Variants in CTR9 observed in about 807,000 individuals in gnomAD.
The protein encoded by CTR9 is CTR9 component of Paf1/RNA polymerase II complex, also known as RNA polymerase-associated protein CTR9 homolog.
Under a neutral mutation model 152.1 loss-of-function variants are expected in CTR9, and 41 were observed. That is an observed-to-expected ratio of 0.27 (90% CI 0.21 to 0.35). CTR9 has a LOEUF of 0.35. Ranked by LOEUF, CTR9 falls within the 10% of genes least tolerant of loss-of-function variation. The pLI is 1.00. For synonymous variants in CTR9, 476 were observed against 496.2 expected (o/e 0.96, Z 0.54); for missense variants, 917 against 1,424.4 (o/e 0.64, Z 5.73).
Position 10,778,769 on chromosome 11 carries a change from C to A in CTR9, c.3186C>A (p.Asn1062Lys). The change falls in exon 25 of 25, where the codon AAC becomes AAA. Residue 1062 changes from asparagine to lysine, a missense_variant. Asn to Lys is a moderately conservative substitution (Grantham distance 94, BLOSUM62 0). Coordinates refer to ENST00000361367, the MANE Select transcript of CTR9 (RefSeq NM_014633.5). ...CASSESDSDE[N>K]QNKSGSEAGS... ...CATCAGAGAGTGATTCCGATGAGAA[C>A]CAGAACAAGTCTGGCAGCGAGGCCG... 6.2e-7 allele frequency: 1 copy of A among 1,614,126 alleles called. No homozygotes were observed. The highest frequency in any genetic ancestry group is 8.5e-7 in the Non-Finnish European group (1 of 1,180,018).
At chr11:10,778,000 G>C (rs1014811103) in intron 24 of CTR9, among the ~76,000 whole-genome samples, 2 of 152,188 alleles carry the variant, frequency 1.3e-5, no homozygotes, top group Non-Finnish European at 2.9e-5. Flanking sequence ...ACCATTCTAA[G>C]CATAAGCATG....
intron 1 of CTR9, among the ~76,000 whole-genome samples, chr11:10,752,397 T>C (rs1374279048): frequency 6.6e-6 from 1 of 152,228 alleles, no homozygotes; most frequent in Non-Finnish European, 1.5e-5. Context: ...TTTGTTTTGT[T>C]ATTTTTTAGT....
chr11:10,771,709 A>G, intron 19 of CTR9, 93 bp downstream of exon 19: 1 of 845,180 alleles, frequency 1.2e-6, no homozygotes, highest in South Asian at 1.4e-5. Flanking sequence ...GAGGTTCCTG[A>G]CCTTCCACAG....
intron 3 of CTR9, among the ~76,000 whole-genome samples, 180 bp from the exon 4 acceptor site, chr11:10,755,497 CT>C (rs1862870991): frequency 6.6e-6 from 1 of 152,286 alleles, no homozygotes; most frequent in East Asian, 1.9e-4. Context: ...GCACAGAAGA[CT>C]TACATTTCAG....
Position 10,779,004 on chromosome 11 carries a change from G to A in CTR9, c.3421G>A (p.Glu1141Lys), listed in dbSNP as rs1197557676. 6.8e-6 allele frequency: 11 copies of A among 1,614,056 alleles called. No homozygotes were observed. Among genetic ancestry groups the A allele is most frequent in the Middle Eastern group, 1.6e-4 (1 of 6,084 alleles). The change falls in exon 25 of 25, where the codon GAG becomes AAG. Residue 1141 changes from glutamate (E) to lysine (K), a missense_variant. By Grantham distance (56) the Glu-to-Lys change is moderately conservative. Coordinates refer to ENST00000361367, the MANE Select transcript of CTR9 (RefSeq NM_014633.5). ...DHESERGSDN[E>K]GSGQGSGNES... Reference sequence around the variant, plus strand: ...CGAATCGGAGAGAGGATCTGATAATGAGGGTTCTGGCCAAGGCTCTGGAAA... The same window carrying A: ...CGAATCGGAGAGAGGATCTGATAATAAGGGTTCTGGCCAAGGCTCTGGAAA...
Position 10,756,426 on chromosome 11 carries a change from C to T in CTR9, c.503-323C>T, listed in dbSNP as rs7106383. ...CTCCCACCCTCCACCCTCCAAAAGG[C>T]CCCAGTATGTGATGTTCCCCTCTGT... On this transcript the variant is annotated intron_variant, in intron 4 of 24. Coordinates refer to ENST00000361367, the MANE Select transcript of CTR9 (RefSeq NM_014633.5). 7.9e-3 allele frequency among the ~76,000 whole-genome samples: 1,204 copies of T among 152,202 alleles called. 11 individuals carry two copies. The highest frequency in any genetic ancestry group is 0.027 in the African/African-American group (1,141 of 41,534).
intron 5 of CTR9, among the ~76,000 whole-genome samples, chr11:10,758,254 C>T (rs1564965888): frequency 1.3e-5 from 2 of 151,984 alleles, no homozygotes; most frequent in Admixed American, 6.6e-5. Flanking sequence ...TTAAAAGGTT[C>T]GTTTGAGCTT....
At chr11:10,777,893 C>T (rs1358629068) in intron 24 of CTR9, among the ~76,000 whole-genome samples, 1 of 152,152 alleles carries the variant, frequency 6.6e-6, no homozygotes, top group African/African-American at 2.4e-5. Flanking sequence ...AGGAACGTGC[C>T]AGAGAAGTGT....
chr11:10,755,884 A>G (rs1480171853), intron 4 of CTR9, 89 bp downstream of exon 4: 1 of 678,286 alleles, frequency 1.5e-6, no homozygotes, highest in African/African-American at 1.8e-5. Flanking sequence ...TTAATAACTC[A>G]GCTAGACAGC....
intron 5 of CTR9, among the ~76,000 whole-genome samples, chr11:10,758,183 G>A (rs1183837392): frequency 2.7e-4 from 41 of 152,190 alleles, no homozygotes; most frequent in Admixed American, 2.7e-3. Context: ...TTTTTACATC[G>A]ACAGAGATGG....
intron 7 of CTR9, 113 bp downstream of exon 7, chr11:10,762,167 C>T (rs1360835661): frequency 5.8e-6 from 4 of 689,648 alleles, no homozygotes; most frequent in Non-Finnish European, 9.5e-6. Flanking sequence ...TTTTTCCCCC[C>T]TCCAAATTAT....
intron 24 of CTR9, among the ~76,000 whole-genome samples, chr11:10,776,977 A>AG (rs1206861262): frequency 6.6e-6 from 1 of 150,752 alleles, no homozygotes; most frequent in South Asian, 2.1e-4. Flanking sequence ...TTGTGAAAAA[A>AG]AAAAAAAAAA....
Position 10,751,559 on chromosome 11 carries a change from C to A in CTR9, c.45+102C>A, listed in dbSNP as rs931171474. 4.5e-5 allele frequency: 51 copies of A among 1,129,578 alleles called. No homozygotes were observed. The African/African-American group carries it at 7.0e-4, about 16-fold the overall frequency. The allele number at this position is 1,129,578 out of a possible 1,614,324, so 70.0% of individuals were successfully genotyped here. On this transcript the variant is annotated intron_variant, in intron 1 of 24. Coordinates refer to ENST00000361367, the MANE Select transcript of CTR9 (RefSeq NM_014633.5). ...TCTGAAGCGAGAGCATCCTCCTTCCCTAAGAGCCCTGATCGAAATACCTGG... is the reference window on the plus strand; with the variant it reads ...TCTGAAGCGAGAGCATCCTCCTTCCATAAGAGCCCTGATCGAAATACCTGG...
At chr11:10,778,595 T>C (rs1237656419) in intron 24 of CTR9, 84 bp from the exon 25 acceptor site, 2 of 1,284,468 alleles carry the variant, frequency 1.6e-6, no homozygotes, top group Non-Finnish European at 2.1e-6. Context: ...TAAATGCCCT[T>C]CTGTTTTAAA....
Position 10,764,663 on chromosome 11 carries a change from T to C in CTR9, c.1529T>C (p.Met510Thr). ...AATCTCGCCAGGCTATATGAGGCGA[T>C]GTGTGAATTCCATGAAGCAGAAAAA... is the stretch of plus-strand genomic sequence containing the variant. The part of the protein sequence containing the change: ...SYNLARLYEA[M>T]CEFHEAEKLY... The change falls in exon 12 of 25, where the codon ATG (methionine) becomes ACG (threonine). Residue 510 changes from methionine (M) to threonine (T), a missense_variant. Met to Thr is a moderately conservative substitution (Grantham distance 81, BLOSUM62 -1). Around this residue, in one of 9 missense-constraint regions of CTR9, gnomAD observed 133 missense variants for 244.1 expected, o/e 0.54. Coordinates refer to ENST00000361367, the MANE Select transcript of CTR9 (RefSeq NM_014633.5). 2 of 1,613,326 alleles carry C rather than the reference T, an allele frequency of 1.2e-6. No individual in the cohort carries two copies. Among genetic ancestry groups the C allele is most frequent in the African/African-American group, 1.3e-5 (1 of 75,034 alleles).
At chr11:10,770,130 T>C in intron 16 of CTR9, 80 bp from the exon 17 acceptor site, 1 of 989,404 alleles carries the variant, frequency 1.0e-6, no homozygotes, top group Non-Finnish European at 1.5e-6. Context: ...AGCTTTAAAA[T>C]TGCAATGCCA....
chr11:10,764,879 A>G, intron 12 of CTR9, 148 bp downstream of exon 12: 3 of 676,732 alleles, frequency 4.4e-6, no homozygotes, highest in Non-Finnish European at 7.2e-6. Context: ...TTGTGGCCTT[A>G]AAACAAAGGT....
chr11:10,762,156 T>C, intron 7 of CTR9, 102 bp downstream of exon 7: 2 of 735,170 alleles, frequency 2.7e-6, no homozygotes, highest in East Asian at 2.8e-5. Context: ...AAATGTCAGA[T>C]TTTTTCCCCC....
At chr11:10,759,977 G>A (rs1862951355) in intron 5 of CTR9, among the ~76,000 whole-genome samples, 196 bp from the exon 6 acceptor site, 1 of 152,218 alleles carries the variant, frequency 6.6e-6, no homozygotes, top group Non-Finnish European at 1.5e-5. Context: ...AGTGATAGAG[G>A]AGAGGGTTGG....
Sources: gnomAD v4.1 joint callset for allele counts (sites outside exome capture counted in the v4.1 genomes callset) on GRCh38, gnomAD v4.1.1 for gene constraint, gnomAD v4.1.1 regional missense constraint, MANE v1.5 for transcripts, NCBI Gene and HGNC (gene_info 2026-07-23, HGNC 2026-07-21) for gene names.